The following CDH23 variants were observed in gnomAD, a reference collection of about 807,000 sequenced individuals.
The protein encoded by CDH23 is cadherin-23.
A neutral mutation model predicts 317.1 loss-of-function variants in CDH23; 189 were observed. The ratio of observed to expected loss-of-function variants is 0.60; its 90% CI spans 0.53 to 0.67. The LOEUF is 0.67. CDH23 is among the 30% of genes least tolerant of loss of function. The probability of loss-of-function intolerance (pLI) is 0.00; values close to 1 mark genes in which losing one functional copy is unlikely to be tolerated. For synonymous variants in CDH23, 1,839 were observed against 1,876.8 expected (o/e 0.98, Z 0.52); for missense variants, 4,401 against 4,592.4 (o/e 0.96, Z 1.20).
At chr10:71,539,639 G>A (rs1855884784) in intron 6 of CDH23, among the ~76,000 whole-genome samples, 2 of 151,966 alleles carry the variant, frequency 1.3e-5, no homozygotes, top group South Asian at 2.1e-4. Flanking sequence ...CCTCCTTGGA[G>A]AACTATGCAT....
chr10:71,767,951 G>A (rs967301267), intron 38 of CDH23, among the ~76,000 whole-genome samples: 2 of 152,140 alleles, frequency 1.3e-5, no homozygotes, highest in African/African-American at 2.4e-5. Context: ...CAGAGGTCCC[G>A]GCCCGTGGAT....
chr10:71,458,379 G>GT (rs1850802836), intron 3 of CDH23, among the ~76,000 whole-genome samples: 1 of 152,214 alleles, frequency 6.6e-6, no homozygotes, highest in African/African-American at 2.4e-5. Flanking sequence ...CACAAGGCCT[G>GT]GGTTTCAATG....
At chr10:71,592,179 G>A (rs1256537374) in intron 9 of CDH23, among the ~76,000 whole-genome samples, 2 of 152,116 alleles carry the variant, frequency 1.3e-5, no homozygotes, top group African/African-American at 4.8e-5. Context: ...GATCTCTCAG[G>A]AGCTCAGGAA....
intron 6 of CDH23, among the ~76,000 whole-genome samples, chr10:71,530,476 G>A (rs1855309859): frequency 6.6e-6 from 1 of 152,250 alleles, no homozygotes. Flanking sequence ...TTTCCACTCT[G>A]TGTTGCTCTG....
intron 2 of CDH23, among the ~76,000 whole-genome samples, chr10:71,442,639 G>A (rs776777793): frequency 4.6e-5 from 7 of 152,082 alleles, no homozygotes; most frequent in Non-Finnish European, 8.8e-5. Flanking sequence ...TTCTTCATCC[G>A]TGGGCTTGTT....
chr10:71,707,883 C>T (rs1865847289), intron 26 of CDH23, among the ~76,000 whole-genome samples: 1 of 152,134 alleles, frequency 6.6e-6, no homozygotes. Flanking sequence ...CCCCATGAAG[C>T]AAGGATGCCC....
intron 14 of CDH23, among the ~76,000 whole-genome samples, chr10:71,659,822 G>A (rs943154447): frequency 6.6e-6 from 1 of 152,186 alleles, no homozygotes; most frequent in Non-Finnish European, 1.5e-5. Context: ...CTGATGAGGA[G>A]GAGGAAGGTA....
At position 71,617,288 on chromosome 10, in the gene CDH23, C is replaced by T. The variant is rs1218445820; in HGVS notation, c.1029C>T (p.Asp343=). ...ATATCCTGGTTATTGACATCAATGA[C>T]AATGCCCCGGAGTTCAACAGCTCCG... ...TFNILVIDIN[D]NAPEFNSSEY... is the part of the protein sequence containing the mutation. The change falls in exon 11 of 70, where the codon GAC becomes GAT. Residue 343 remains aspartate, a synonymous_variant. Transcript: ENST00000224721. 1 of 1,613,996 alleles carries T rather than the reference C, an allele frequency of 6.2e-7. No individual in the cohort carries two copies. Among genetic ancestry groups the T allele is most frequent in the East Asian group, 2.2e-5 (1 of 44,888 alleles).
chr10:71,635,861 A>G (rs1862244316), intron 11 of CDH23, among the ~76,000 whole-genome samples: 2 of 152,060 alleles, frequency 1.3e-5, no homozygotes, highest in Non-Finnish European at 2.9e-5. Context: ...GAAGTGCAAG[A>G]TCAAGGGCCC....
intron 38 of CDH23, among the ~76,000 whole-genome samples, chr10:71,744,047 T>G (rs761575609): frequency 5.9e-5 from 9 of 152,194 alleles, no homozygotes; most frequent in Non-Finnish European, 1.2e-4. Flanking sequence ...AGAGTGCTGC[T>G]TGTGTCTCCT....
intron 14 of CDH23, among the ~76,000 whole-genome samples, chr10:71,657,623 GC>G (rs1012514220): frequency 3.3e-4 from 51 of 152,302 alleles, no homozygotes; most frequent in African/African-American, 1.2e-3. Context: ...AGGGTAGACA[GC>G]CCTTGCGCCT....
intron 6 of CDH23, among the ~76,000 whole-genome samples, chr10:71,546,998 GTCAT>G (rs1856317707): frequency 1.3e-5 from 2 of 152,228 alleles, no homozygotes; most frequent in South Asian, 4.1e-4. Flanking sequence ...TGGCCAGGGT[GTCAT>G]TCATTCAACA....
chr10:71,421,051 T>A (rs1848790372), intron 1 of CDH23, among the ~76,000 whole-genome samples: 1 of 152,122 alleles, frequency 6.6e-6, no homozygotes, highest in South Asian at 2.1e-4. Context: ...GCCTGTGGGG[T>A]CTGTCATTCT....
At chr10:71,590,887 CA>C (rs761301469) in intron 9 of CDH23, among the ~76,000 whole-genome samples, 7 of 92,778 alleles carry the variant, frequency 7.5e-5, no homozygotes, top group African/African-American at 1.2e-4. Context: ...AAAAAAAAAA[CA>C]AAAAAAAACA....
chr10:71,709,124 G>A lies in CDH23; in HGVS notation c.3133G>A (p.Val1045Met), dbSNP rs377100683. The A allele has an allele frequency of 2.9e-5, 47 of 1,613,824 alleles. No individual in the cohort carries two copies. The highest frequency in any genetic ancestry group is 5.3e-5 in the African/African-American group (4 of 74,936). The change falls in exon 27 of 70, where the codon GTG becomes ATG. Residue 1045 changes from valine to methionine, a missense_variant. Coordinates refer to ENST00000224721, the MANE Select transcript of CDH23 (RefSeq NM_022124.6). ...TGGCAACGTGGATGGGAAGTTCAGC[G>A]TGGGTTACCGCGATGCCGTTGTGAG... ...TGGNVDGKFS[V>M]GYRDAVVRTV...
At chr10:71,804,995 A>G (rs1378359046) in intron 55 of CDH23, among the ~76,000 whole-genome samples, 4 of 152,246 alleles carry the variant, frequency 2.6e-5, no homozygotes, top group African/African-American at 9.6e-5. Context: ...TGTATTAATT[A>G]TCTATATGTC....
At chr10:71,677,725 A>G in intron 16 of CDH23, 32 bp downstream of exon 16, 2 of 1,500,002 alleles carry the variant, frequency 1.3e-6, no homozygotes, top group Non-Finnish European at 9.1e-7. Flanking sequence ...CACTCCTGCC[A>G]TTTATCTTAG....
intron 3 of CDH23, among the ~76,000 whole-genome samples, chr10:71,497,398 C>T (rs1319705537): frequency 6.6e-6 from 1 of 152,090 alleles, no homozygotes; most frequent in Non-Finnish European, 1.5e-5. Flanking sequence ...AGACTTCAAC[C>T]CTCATGGGCC....
intron 12 of CDH23, 95 bp from the exon 13 acceptor site, chr10:71,645,736 G>T: frequency 1.4e-6 from 2 of 1,418,996 alleles, no homozygotes; most frequent in South Asian, 1.2e-5. Context: ...AAGCAGCTCT[G>T]GGCTCACTCT....
Sources: allele counts gnomAD v4.1 joint callset (sites outside exome capture counted in the v4.1 genomes callset), GRCh38; gene constraint gnomAD v4.1.1; transcripts MANE v1.5; gene names NCBI Gene and HGNC (gene_info 2026-07-23, HGNC 2026-07-21).